Variants in MMD2 observed in about 807,000 individuals in gnomAD.
MMD2 encodes monocyte to macrophage differentiation associated 2, also known as monocyte to macrophage differentiation factor 2.
Under a neutral mutation model 33.5 loss-of-function variants are expected in MMD2, and 30 were observed. That is an observed-to-expected ratio of 0.90 (90% CI 0.67 to 1.22). MMD2 has a LOEUF of 1.22. MMD2 is among the 50% of genes most tolerant of loss of function. The pLI is 0.00. For synonymous variants in MMD2, 129 were observed against 123.0 expected (o/e 1.05, Z -0.32); for missense variants, 364 against 325.4 (o/e 1.12, Z -0.91).
chr7:4,931,981 A>G (rs905695733), intron 1 of MMD2, among the ~76,000 whole-genome samples: 1 of 152,128 alleles, frequency 6.6e-6, no homozygotes, highest in Non-Finnish European at 1.5e-5. Context: ...TGTGGTTTGC[A>G]CTGGTCTCCA....
intron 1 of MMD2, among the ~76,000 whole-genome samples, chr7:4,951,128 A>G (rs773473270): frequency 6.6e-5 from 10 of 151,806 alleles, no homozygotes; most frequent in Non-Finnish European, 1.3e-4. Flanking sequence ...GGCAGCCCCA[A>G]CCCCATGAGG....
the MMD2 span, among the ~76,000 whole-genome samples, chr7:4,893,401 TTTA>T: frequency 2.0e-5 from 3 of 151,256 alleles, no homozygotes; most frequent in African/African-American, 7.3e-5. Flanking sequence ...TATTTATTTA[TTTA>T]TTTTTGAGAC....
chr7:4,950,091 G>C (rs1309410148), intron 1 of MMD2, among the ~76,000 whole-genome samples: 1 of 151,810 alleles, frequency 6.6e-6, no homozygotes, highest in Non-Finnish European at 1.5e-5. Context: ...GTGTGTGTGT[G>C]TGTGTGTGTG....
chr7:4,942,284 T>TTGCG (rs1554273046), intron 1 of MMD2, among the ~76,000 whole-genome samples: 1 of 148,944 alleles, frequency 6.7e-6, no homozygotes, highest in African/African-American at 2.5e-5. Flanking sequence ...TCTGTAGAGA[T>TTGCG]GGGGGGGGTC....
At chr7:4,952,449 G>A (rs181676980) in intron 1 of MMD2, among the ~76,000 whole-genome samples, 2 of 152,310 alleles carry the variant, frequency 1.3e-5, no homozygotes, top group African/African-American at 2.4e-5. Context: ...ACCTGCTGGT[G>A]CTGAAAGAAC....
intron 2 of MMD2, among the ~76,000 whole-genome samples, chr7:4,922,042 A>G (rs969953777): frequency 6.6e-6 from 1 of 151,798 alleles, no homozygotes; most frequent in Admixed American, 6.6e-5. Flanking sequence ...CCTGGCCAAC[A>G]TGGTAAAACC....
At chr7:4,939,091 A>C (rs1276793273) in intron 1 of MMD2, among the ~76,000 whole-genome samples, 1 of 152,106 alleles carries the variant, frequency 6.6e-6, no homozygotes, top group African/African-American at 2.4e-5. Context: ...AATCCCAGCC[A>C]CTCGGGAGAC....
intron 1 of MMD2, among the ~76,000 whole-genome samples, chr7:4,947,938 T>C (rs935959926): frequency 1.6e-4 from 25 of 151,992 alleles, no homozygotes; most frequent in Non-Finnish European, 3.4e-4. Context: ...GACCTGGTGA[T>C]CCACCCACCT....
chr7:4,947,745 G>T (rs1786130333), intron 1 of MMD2, among the ~76,000 whole-genome samples: 1 of 126,392 alleles, frequency 7.9e-6, no homozygotes, highest in Non-Finnish European at 1.6e-5. Flanking sequence ...TGTTGCCCAG[G>T]CTGGAGCACA....
chr7:4,945,213 T>TTCTTCTTCTTCC (rs1416753537), intron 1 of MMD2, among the ~76,000 whole-genome samples: 5 of 144,406 alleles, frequency 3.5e-5, no homozygotes, highest in African/African-American at 1.3e-4. Context: ...CTTCTTCTTC[T>TTCTTCTTCTTCC]TCTTCTTCTT....
chr7:4,925,542 G>A lies in MMD2; in HGVS notation c.48-10C>T, dbSNP rs1190051007. The stretch of plus-strand genomic sequence containing the variant: ...TCGGTGGTTCATGAACCTGGAAGGA[G>A]AGGGAGAATTCCAGGAAGCTCCGCT... On this transcript the variant is annotated splice_polypyrimidine_tract_variant and intron_variant, in intron 1 of 6. Coordinates refer to ENST00000401401, the MANE Select transcript of MMD2 (RefSeq NM_198403.4). 4.5e-6 allele frequency: 7 copies of A among 1,559,188 alleles called. No homozygotes were observed. The highest frequency in any genetic ancestry group is 6.1e-6 in the Non-Finnish European group (7 of 1,151,046).
chr7:4,923,350 C>T (rs905953736), intron 2 of MMD2, among the ~76,000 whole-genome samples: 4 of 152,046 alleles, frequency 2.6e-5, no homozygotes, highest in Non-Finnish European at 5.9e-5. Flanking sequence ...GTGATCCGCC[C>T]GCCTCAGCCA....
chr7:4,910,089 C>A (rs773153013), intron 5 of MMD2, 139 bp from the exon 6 acceptor site: 5 of 1,577,444 alleles, frequency 3.2e-6, no homozygotes, highest in East Asian at 2.2e-5. Flanking sequence ...GTCCAGCACG[C>A]CTTGGCTCAG....
chr7:4,952,520 T>C (rs921932654), intron 1 of MMD2, among the ~76,000 whole-genome samples: 8 of 152,120 alleles, frequency 5.3e-5, no homozygotes, highest in Non-Finnish European at 1.2e-4. Flanking sequence ...CACTGCATGG[T>C]ATCAGCCCAT....
intron 1 of MMD2, among the ~76,000 whole-genome samples, chr7:4,933,298 GCTA>G (rs906614357): frequency 6.6e-6 from 1 of 152,136 alleles, no homozygotes; most frequent in Admixed American, 6.5e-5. Context: ...GGAGGTCAAG[GCTA>G]CAGTGAGCCA....
At chr7:4,941,470 A>T (rs1283136415) in intron 1 of MMD2, among the ~76,000 whole-genome samples, 1 of 152,136 alleles carries the variant, frequency 6.6e-6, no homozygotes, top group Non-Finnish European at 1.5e-5. Flanking sequence ...TCTCTACTAA[A>T]AATACAAAAA....
At chr7:4,927,308 G>A (rs1785458511) in intron 1 of MMD2, among the ~76,000 whole-genome samples, 1 of 151,984 alleles carries the variant, frequency 6.6e-6, no homozygotes, top group African/African-American at 2.4e-5. Context: ...ACTTTAAGAG[G>A]CCGAGGCAGG....
Position 4,910,151 on chromosome 7 carries a change from C to T in MMD2, c.468-201G>A, listed in dbSNP as rs1289418856. 6.9e-6 allele frequency: 8 copies of T among 1,159,296 alleles called. No homozygotes were observed. The Admixed American group carries it at 1.4e-4, about 20-fold the overall frequency. 71.8% of individuals were successfully genotyped at this position (1,159,296 alleles called of 1,614,324 possible). A position where few individuals can be genotyped will look rare whatever the true frequency, so the allele number is the denominator to read the frequency against. ...GCTGGCAGTTATGTGACCCTGGGCA[C>T]TTTCCCTCCCTGAGACTCACTTTCC... On this transcript the variant is annotated intron_variant, in intron 5 of 6. Transcript: ENST00000401401.
intron 1 of MMD2, among the ~76,000 whole-genome samples, chr7:4,951,921 G>A (rs1786254735): frequency 6.6e-6 from 1 of 152,004 alleles, no homozygotes; most frequent in Admixed American, 6.6e-5. Context: ...TTTTTTTGGA[G>A]AGTCAGGGTT....
Sources: gnomAD v4.1 joint callset for allele counts (sites outside exome capture counted in the v4.1 genomes callset) on GRCh38, gnomAD v4.1.1 for gene constraint, MANE v1.5 for transcripts, NCBI Gene and HGNC (gene_info 2026-07-23, HGNC 2026-07-21) for gene names.